GREB1L: variants seen among roughly 807,000 people sequenced by gnomAD.
The protein encoded by GREB1L is GREB1-like protein.
In GREB1L, 17 loss-of-function variants were observed where a neutral mutation model predicts 200.8. That is an observed-to-expected ratio of 0.08 (90% CI 0.06 to 0.13). The LOEUF (loss-of-function observed/expected upper bound fraction) is 0.13. Among genes scored for constraint, GREB1L ranks in the 10% least tolerant of loss-of-function variants. The pLI is 1.00. For synonymous variants in GREB1L, 789 were observed against 893.0 expected, an observed-to-expected ratio of 0.88 and a Z score of 2.08; for missense variants, 1,657 against 2,367.7, an observed-to-expected ratio of 0.70 and a Z score of 6.23.
intron 7 of GREB1L, among the ~76,000 whole-genome samples, chr18:21,406,360 T>C (rs895171830): frequency 6.6e-6 from 1 of 152,156 alleles, no homozygotes; most frequent in African/African-American, 2.4e-5. Flanking sequence ...ATGCTCACAT[T>C]CTTTTGTGTC....
At chr18:21,471,347 A>G (rs1443147265) in intron 15 of GREB1L, among the ~76,000 whole-genome samples, 7 of 152,158 alleles carry the variant, frequency 4.6e-5, no homozygotes, top group South Asian at 4.1e-4. Flanking sequence ...TACACTCCCT[A>G]TTTTACAGAT....
intron 7 of GREB1L, among the ~76,000 whole-genome samples, chr18:21,414,339 AAG>A (rs1177461176): frequency 2.0e-5 from 3 of 152,212 alleles, no homozygotes; most frequent in Admixed American, 6.5e-5. Flanking sequence ...CATGTACTAA[AAG>A]AAAAAAAAAC....
intron 17 of GREB1L, among the ~76,000 whole-genome samples, chr18:21,482,777 G>A (rs1251642667): frequency 4.0e-5 from 6 of 150,288 alleles, no homozygotes; most frequent in East Asian, 4.0e-4. Flanking sequence ...ACCAACGCCC[G>A]CAGCGAAAGC....
intron 1 of GREB1L, among the ~76,000 whole-genome samples, chr18:21,314,247 C>T (rs1278784349): frequency 6.6e-6 from 1 of 152,146 alleles, no homozygotes; most frequent in Non-Finnish European, 1.5e-5. Context: ...CTTTATAATG[C>T]TTGCTCCTTA....
intron 7 of GREB1L, among the ~76,000 whole-genome samples, chr18:21,423,696 C>CA (rs563348203): frequency 1.4e-4 from 21 of 151,980 alleles, no homozygotes; most frequent in Admixed American, 2.6e-4. Flanking sequence ...CTCCTGTCTG[C>CA]AAAAAATACA....
In GREB1L at chr18:21,449,900, ATG is replaced by A. The variant is rs2034436640; in HGVS notation, c.1720+70_1720+71del. The A allele has an allele frequency of 1.1e-5, 14 of 1,236,686 alleles. No homozygotes were observed. In the South Asian group the frequency reaches 2.1e-4, roughly 18 times the overall value. 76.6% of individuals were successfully genotyped at this position (1,236,686 alleles called of 1,614,324 possible). On this transcript the variant is annotated intron_variant, in intron 12 of 32. Transcript: ENST00000424526. ...CATTCGACCATTTTTCCATTTAAAA[ATG>A]TGTGTTATGTGTTTCAGGCATCCAC...
intron 1 of GREB1L, among the ~76,000 whole-genome samples, chr18:21,310,402 A>G (rs968383858): frequency 6.6e-6 from 1 of 152,180 alleles, no homozygotes; most frequent in Non-Finnish European, 1.5e-5. Flanking sequence ...AAAAATACCT[A>G]TTTTCTAAAA....
chr18:21,330,453 T>TA (rs2039091087), intron 1 of GREB1L, among the ~76,000 whole-genome samples: 1 of 152,226 alleles, frequency 6.6e-6, no homozygotes, highest in African/African-American at 2.4e-5. Context: ...GGTGCGCTCT[T>TA]ACCACCACTT....
At chr18:21,303,951 T>C (rs1439264777) in intron 1 of GREB1L, among the ~76,000 whole-genome samples, 1 of 152,206 alleles carries the variant, frequency 6.6e-6, no homozygotes, top group Non-Finnish European at 1.5e-5. Flanking sequence ...CAAGAGATGT[T>C]CACATTTCTG....
Position 21,383,649 on chromosome 18 carries a change from C to T in GREB1L, c.131C>T (p.Pro44Leu). 1 of 1,551,136 alleles carries T rather than the reference C, an allele frequency of 6.4e-7. No homozygotes were observed. The highest frequency in any genetic ancestry group is 8.7e-7 in the Non-Finnish European group (1 of 1,146,726). ...RPIFSQLYLD[P>L]DQHPFSSADV... ...ATTTTTTCCCAGCTATACCTGGACC[C>T]TGACCAGCATCCTTTCTCATCTGCA... Residue 44 changes from proline (P) to leucine (L), a missense_variant, in exon 3 of 33, where the codon CCT (proline) becomes CTT (leucine). Pro to Leu is a moderately conservative substitution (Grantham distance 98). Coordinates refer to ENST00000424526, the MANE Select transcript of GREB1L (RefSeq NM_001142966.3).
chr18:21,318,130 G>C (rs1355961877), intron 1 of GREB1L, among the ~76,000 whole-genome samples: 1 of 146,834 alleles, frequency 6.8e-6, no homozygotes, highest in African/African-American at 2.5e-5. Flanking sequence ...AAAAAACAAA[G>C]AGAGAAAGAA....
intron 23 of GREB1L, among the ~76,000 whole-genome samples, chr18:21,501,193 C>T (rs1320580545): frequency 2.0e-5 from 3 of 151,202 alleles, no homozygotes; most frequent in Non-Finnish European, 2.9e-5. Flanking sequence ...TACTTTTAGC[C>T]TCTTTACAAT....
chr18:21,406,120 T>C (rs142477454), intron 7 of GREB1L, among the ~76,000 whole-genome samples: 94 of 151,162 alleles, frequency 6.2e-4, no homozygotes, highest in African/African-American at 2.2e-3. Context: ...GAGGTAGGTA[T>C]GTAAATAACC....
At chr18:21,242,738 A>G (rs1365736204) in intron 1 of GREB1L, among the ~76,000 whole-genome samples, 1 of 152,012 alleles carries the variant, frequency 6.6e-6, no homozygotes, top group East Asian at 2.0e-4. Context: ...CGGGAGCGAG[A>G]CGGCCCGGGG....
chr18:21,335,867 G>A (rs185601894), intron 1 of GREB1L, among the ~76,000 whole-genome samples: 116 of 152,082 alleles, frequency 7.6e-4, no homozygotes, highest in Middle Eastern at 6.8e-3. Context: ...GATTCACCGT[G>A]TTAGCCAGGA....
At chr18:21,249,254 T>C (rs568871977) in intron 1 of GREB1L, among the ~76,000 whole-genome samples, 9 of 152,182 alleles carry the variant, frequency 5.9e-5, no homozygotes, top group African/African-American at 2.2e-4. Context: ...AGCCTACAGC[T>C]CTTATAGTAG....
At chr18:21,516,873 G>T in intron 30 of GREB1L, 119 bp downstream of exon 30, 1 of 915,008 alleles carries the variant, frequency 1.1e-6, no homozygotes, top group Admixed American at 3.1e-5. Flanking sequence ...AATAACACAA[G>T]GGAGTTTTTT....
At chr18:21,262,193 A>G (rs1352806594) in intron 1 of GREB1L, among the ~76,000 whole-genome samples, 1 of 152,150 alleles carries the variant, frequency 6.6e-6, no homozygotes, top group Non-Finnish European at 1.5e-5. Context: ...TGATTCCAGA[A>G]TAATATGTAG....
intron 1 of GREB1L, among the ~76,000 whole-genome samples, chr18:21,245,864 C>A (rs1319762023): frequency 1.3e-5 from 2 of 152,100 alleles, no homozygotes; most frequent in Non-Finnish European, 2.9e-5. Context: ...ACTACAGGCG[C>A]CTGCCACCAC....
Sources: gnomAD v4.1 joint callset for allele counts (sites outside exome capture counted in the v4.1 genomes callset) on GRCh38, gnomAD v4.1.1 for gene constraint, MANE v1.5 for transcripts, NCBI Gene and HGNC (gene_info 2026-07-23, HGNC 2026-07-21) for gene names.